The following CACNA2D1 variants were observed in gnomAD, a reference collection of about 807,000 sequenced individuals.
CACNA2D1 encodes calcium voltage-gated channel auxiliary subunit alpha2delta 1.
Under a neutral mutation model 171.5 loss-of-function variants are expected in CACNA2D1, and 53 were observed. The ratio of observed to expected loss-of-function variants is 0.31; its 90% CI spans 0.25 to 0.39. The LOEUF is 0.39. Among genes scored for constraint, CACNA2D1 ranks in the 10% least tolerant of loss-of-function variants. CACNA2D1 has a pLI of 1.00. For missense variants in CACNA2D1, 903 were observed against 1,299.8 expected, an observed-to-expected ratio of 0.69 and a Z score of 4.69; for synonymous variants, 442 against 443.1, an observed-to-expected ratio of 1.00 and a Z score of 0.03.
At chr7:82,234,746 A>G (rs921224766) in intron 3 of CACNA2D1, among the ~76,000 whole-genome samples, 17 of 152,228 alleles carry the variant, frequency 1.1e-4, no homozygotes, top group Admixed American at 1.1e-3. Flanking sequence ...TAAGAAAACA[A>G]TTAGGAACAT....
intron 4 of CACNA2D1, among the ~76,000 whole-genome samples, chr7:82,160,140 TC>T (rs2129130413): frequency 6.6e-6 from 1 of 151,970 alleles, no homozygotes; most frequent in Non-Finnish European, 1.5e-5. Context: ...ATTTCAGACT[TC>T]CTACTAGCCT....
chr7:82,194,228 G>A (rs1798627941), intron 3 of CACNA2D1, among the ~76,000 whole-genome samples: 1 of 151,976 alleles, frequency 6.6e-6, no homozygotes. Flanking sequence ...ATTATCATAA[G>A]CAACCTCCAG....
chr7:82,073,444 T>G (rs1196639495), intron 7 of CACNA2D1, among the ~76,000 whole-genome samples: 1 of 152,170 alleles, frequency 6.6e-6, no homozygotes, highest in African/African-American at 2.4e-5. Context: ...CTGCATAGAT[T>G]GAAATGGTTT....
intron 3 of CACNA2D1, among the ~76,000 whole-genome samples, chr7:82,333,489 G>A (rs1051540407): frequency 1.6e-5 from 1 of 63,678 alleles, no homozygotes; most frequent in African/African-American, 1.5e-4. Flanking sequence ...TTTACACAGC[G>A]ACAGCAAGAG....
intron 35 of CACNA2D1, 43 bp downstream of exon 35, chr7:81,962,397 T>C: frequency 6.8e-7 from 1 of 1,464,394 alleles, no homozygotes; most frequent in Non-Finnish European, 9.5e-7. Flanking sequence ...CAAAAGAAAA[T>C]TTTTATTGTT....
intron 6 of CACNA2D1, among the ~76,000 whole-genome samples, chr7:82,091,883 C>T (rs775233443): frequency 6.6e-6 from 1 of 152,052 alleles, no homozygotes; most frequent in Non-Finnish European, 1.5e-5. Context: ...CTGTTCTATT[C>T]GTCTAAAAAA....
chr7:82,211,900 T>A (rs1027963047), intron 3 of CACNA2D1, among the ~76,000 whole-genome samples: 1 of 152,152 alleles, frequency 6.6e-6, no homozygotes, highest in African/African-American at 2.4e-5. Context: ...TTGTTTTGTT[T>A]TGTTTAATTT....
At chr7:82,005,305 A>G in intron 18 of CACNA2D1, 118 bp downstream of exon 18, 4 of 718,906 alleles carry the variant, frequency 5.6e-6, no homozygotes, top group East Asian at 5.4e-5. Context: ...GAGACGCATT[A>G]GAGACTGTAC....
chr7:82,134,261 A>T (rs148304627), intron 5 of CACNA2D1, among the ~76,000 whole-genome samples: 11 of 152,286 alleles, frequency 7.2e-5, no homozygotes, highest in African/African-American at 2.4e-4. Flanking sequence ...TTCTTTATGT[A>T]TAAGTATATA....
intron 28 of CACNA2D1, among the ~76,000 whole-genome samples, chr7:81,969,277 GTTCTGCTGAAGTGAAGTGGAAAGA>G (rs1361127664): frequency 1.3e-5 from 2 of 151,344 alleles, no homozygotes. Context: ...ATATTAAGTA[GTTCTGCTGAAGTGAAGTGGAAAGA>G]TTGATCCTGG....
chr7:82,277,755 T>A (rs1229700604), intron 3 of CACNA2D1, among the ~76,000 whole-genome samples: 4 of 149,430 alleles, frequency 2.7e-5, no homozygotes, highest in Non-Finnish European at 5.9e-5. Context: ...CTTTTATTTT[T>A]TTTTTTTTGA....
chr7:82,365,810 AG>A (rs1821628727), intron 1 of CACNA2D1, among the ~76,000 whole-genome samples: 1 of 152,330 alleles, frequency 6.6e-6, no homozygotes, highest in South Asian at 2.1e-4. Flanking sequence ...GGCTAATTGG[AG>A]AGATTTGAAG....
chr7:82,159,720 C>G (rs771305126), intron 4 of CACNA2D1, among the ~76,000 whole-genome samples: 6 of 149,536 alleles, frequency 4.0e-5, no homozygotes, highest in Non-Finnish European at 8.9e-5. Context: ...AGAAAAAAAT[C>G]AGGTGAAAAT....
chr7:82,373,046 T>C (rs1822586923), intron 1 of CACNA2D1, among the ~76,000 whole-genome samples: 1 of 152,104 alleles, frequency 6.6e-6, no homozygotes, highest in Non-Finnish European at 1.5e-5. Context: ...TACCTGGGCA[T>C]GGTGGCACAC....
chr7:82,134,273 T>C (rs1791353508), intron 5 of CACNA2D1, among the ~76,000 whole-genome samples: 1 of 152,164 alleles, frequency 6.6e-6, no homozygotes, highest in Non-Finnish European at 1.5e-5. Context: ...AAGTATATAT[T>C]TTCATTAGAA....
intron 3 of CACNA2D1, among the ~76,000 whole-genome samples, chr7:82,332,095 C>G (rs2129443856): frequency 6.6e-6 from 1 of 152,174 alleles, no homozygotes; most frequent in East Asian, 1.9e-4. Context: ...GAGTCTTGCT[C>G]TTTCGCGCAG....
At chr7:82,095,628 T>C (rs1811763986) in intron 6 of CACNA2D1, among the ~76,000 whole-genome samples, 1 of 152,202 alleles carries the variant, frequency 6.6e-6, no homozygotes, top group African/African-American at 2.4e-5. Context: ...CCATAAACAG[T>C]AATAACTAGT....
intron 3 of CACNA2D1, among the ~76,000 whole-genome samples, chr7:82,323,582 T>C (rs1052436292): frequency 1.3e-5 from 2 of 152,228 alleles, no homozygotes; most frequent in Non-Finnish European, 2.9e-5. Context: ...TCTCTGATGC[T>C]GCCATTTTGA....
rs2129455972 is a variant in CACNA2D1 at position 82,415,190 on chromosome 7, A to C, written c.95+28175T>G. Among the ~76,000 whole-genome samples the C allele has an allele frequency of 2.0e-5, 3 of 152,300 alleles. 1 individual carries two copies. The South Asian group carries it at 6.2e-4, about 32-fold the overall frequency. On this transcript the variant is annotated intron_variant, in intron 1 of 38. Transcript: ENST00000356860. ...ACATCAGATACAAATCTCTTTGTCC[A>C]AGAATGCTAGAAAAAATCCCTAGGC...
Sources: allele counts gnomAD v4.1 joint callset (sites outside exome capture counted in the v4.1 genomes callset), GRCh38; gene constraint gnomAD v4.1.1; transcripts MANE v1.5; gene names NCBI Gene and HGNC (gene_info 2026-07-23, HGNC 2026-07-21).